The following NRF1 variants were observed in gnomAD, a reference collection of about 807,000 sequenced individuals.
NRF1 encodes the protein alpha palindromic-binding protein.
A neutral mutation model predicts 58.5 loss-of-function variants in NRF1; 5 were observed. The observed-to-expected ratio is 0.09, with a 90% CI of 0.04 to 0.18. The LOEUF is 0.18. Among genes scored for constraint, NRF1 ranks in the 10% least tolerant of loss-of-function variants. The pLI is 1.00. For missense variants in NRF1, 288 were observed against 657.7 expected (o/e 0.44, Z 6.15); for synonymous variants, 224 against 246.7 (o/e 0.91, Z 0.86).
At chr7:129,726,046 C>T (rs142332747) in intron 9 of NRF1, among the ~76,000 whole-genome samples, 1 of 152,340 alleles carries the variant, frequency 6.6e-6, no homozygotes, top group African/African-American at 2.4e-5. Context: ...CCTTACCCAC[C>T]TCCACTTACG....
intron 5 of NRF1, among the ~76,000 whole-genome samples, chr7:129,691,204 T>C (rs1344744045): frequency 2.6e-5 from 4 of 151,952 alleles, no homozygotes; most frequent in African/African-American, 9.7e-5. Context: ...CCTCTTCCTT[T>C]AAGAAGGGAA....
intron 10 of NRF1, among the ~76,000 whole-genome samples, chr7:129,737,502 TCCAA>T (rs1464814730): frequency 6.6e-6 from 1 of 152,230 alleles, no homozygotes; most frequent in Non-Finnish European, 1.5e-5. Flanking sequence ...GTCCCACTGT[TCCAA>T]CTCTTTAAAA....
chr7:129,711,247 G>A (rs1038139765), intron 7 of NRF1, among the ~76,000 whole-genome samples: 8 of 152,184 alleles, frequency 5.3e-5, no homozygotes, highest in Admixed American at 1.3e-4. Context: ...TGGATGTGGC[G>A]ATGTGATAGC....
intron 9 of NRF1, among the ~76,000 whole-genome samples, chr7:129,723,491 TTAACA>T (rs1373644897): frequency 6.6e-6 from 1 of 152,138 alleles, no homozygotes; most frequent in African/African-American, 2.4e-5. Context: ...GTAGTGTTTA[TTAACA>T]TAACTTTCTT....
chr7:129,672,876 A>G (rs1802082943), intron 3 of NRF1, among the ~76,000 whole-genome samples: 2 of 152,222 alleles, frequency 1.3e-5, no homozygotes, highest in African/African-American at 4.8e-5. Context: ...AGCTGAAGAT[A>G]TTATAAGCAT....
intron 1 of NRF1, among the ~76,000 whole-genome samples, chr7:129,616,786 C>G (rs1800668875): frequency 6.6e-6 from 1 of 152,158 alleles, no homozygotes; most frequent in South Asian, 2.1e-4. Flanking sequence ...CCAACTGCTA[C>G]TGAACCATCA....
At chr7:129,686,988 T>C (rs1373917033) in intron 4 of NRF1, among the ~76,000 whole-genome samples, 1 of 152,250 alleles carries the variant, frequency 6.6e-6, no homozygotes, top group African/African-American at 2.4e-5. Context: ...TTTCTACTTA[T>C]TGAAAGAGCT....
At chr7:129,734,366 T>C (rs12540281) in intron 10 of NRF1, among the ~76,000 whole-genome samples, 19,525 of 152,272 alleles carry the variant, frequency 0.13, 1,610 homozygotes, top group Admixed American at 0.23. Flanking sequence ...ACCACTGTAC[T>C]ACACTGTCTC....
intron 1 of NRF1, among the ~76,000 whole-genome samples, chr7:129,629,385 T>C (rs4731609): frequency 0.026 from 4,016 of 151,926 alleles, 62 homozygotes; most frequent in Middle Eastern, 0.075. Flanking sequence ...TTCAAGCGAT[T>C]CTCTGCCTCA....
intron 9 of NRF1, among the ~76,000 whole-genome samples, chr7:129,723,241 C>T (rs1210736259): frequency 2.0e-5 from 3 of 151,782 alleles, no homozygotes; most frequent in East Asian, 1.9e-4. Context: ...GTTGGGAGTT[C>T]GAGACCAGCC....
At chr7:129,630,697 A>G (rs1039850974) in intron 1 of NRF1, among the ~76,000 whole-genome samples, 1 of 152,198 alleles carries the variant, frequency 6.6e-6, no homozygotes, top group Non-Finnish European at 1.5e-5. Context: ...TTTGGATTGG[A>G]AGAGGCAGTT....
intron 10 of NRF1, among the ~76,000 whole-genome samples, chr7:129,729,947 C>G (rs181240236): frequency 2.0e-5 from 3 of 152,296 alleles, no homozygotes; most frequent in Non-Finnish European, 2.9e-5. Context: ...TCCAATGATT[C>G]TCGTGCCTCA....
intron 9 of NRF1, among the ~76,000 whole-genome samples, chr7:129,726,462 A>T (rs1392322384): frequency 2.0e-5 from 3 of 152,228 alleles, no homozygotes; most frequent in Non-Finnish European, 2.9e-5. Flanking sequence ...CACTGCTAAA[A>T]TAGTACTTGC....
intron 1 of NRF1, among the ~76,000 whole-genome samples, chr7:129,632,007 G>T (rs1801059566): frequency 1.3e-5 from 2 of 152,176 alleles, no homozygotes; most frequent in South Asian, 4.1e-4. Context: ...AGGCTTAGTG[G>T]CTTGTGTCTG....
chr7:129,719,283 C>T (rs569272740), intron 9 of NRF1, among the ~76,000 whole-genome samples: 28 of 152,272 alleles, frequency 1.8e-4, no homozygotes, highest in African/African-American at 4.8e-4. Context: ...CAGGCATGCT[C>T]CACCACACAC....
intron 1 of NRF1, among the ~76,000 whole-genome samples, chr7:129,612,473 T>C (rs1017493372): frequency 6.6e-6 from 1 of 152,144 alleles, no homozygotes; most frequent in African/African-American, 2.4e-5. Flanking sequence ...TTGCCCACCT[T>C]CTTGCAAGTT....
intron 1 of NRF1, 46 bp from the exon 2 acceptor site, chr7:129,657,300 T>C: frequency 7.4e-7 from 1 of 1,348,986 alleles, no homozygotes; most frequent in Non-Finnish European, 1.1e-6. Flanking sequence ...CATTGTGTTA[T>C]ATTACACACT....
intron 4 of NRF1, among the ~76,000 whole-genome samples, chr7:129,683,627 G>A (rs1011968766): frequency 5.7e-5 from 8 of 139,910 alleles, no homozygotes; most frequent in Non-Finnish European, 1.2e-4. Flanking sequence ...ACCACAACTG[G>A]CCGGAATTTT....
chr7:129,719,376 C>G (rs908533904), intron 9 of NRF1, among the ~76,000 whole-genome samples: 1 of 152,204 alleles, frequency 6.6e-6, no homozygotes, highest in Admixed American at 6.5e-5. Flanking sequence ...AGGTGATCCA[C>G]CCGCCTCAGC....
Sources: allele counts gnomAD v4.1 joint callset (sites outside exome capture counted in the v4.1 genomes callset), GRCh38; gene constraint gnomAD v4.1.1; transcripts MANE v1.5; gene names NCBI Gene and HGNC (gene_info 2026-07-23, HGNC 2026-07-21).